Variants in ALG12 observed in about 807,000 individuals in gnomAD.
ALG12 encodes ALG12 alpha-1,6-mannosyltransferase.
A neutral mutation model predicts 46.0 loss-of-function variants in ALG12; 36 were observed. The ratio of observed to expected loss-of-function variants is 0.78; its 90% CI spans 0.60 to 1.03. The LOEUF is 1.03. ALG12 is among the 50% of genes least tolerant of loss of function. The probability of loss-of-function intolerance (pLI) is 0.00; values close to 1 mark genes in which losing one functional copy is unlikely to be tolerated. For synonymous variants in ALG12, 326 were observed against 291.6 expected (o/e 1.12, Z -1.20); for missense variants, 599 against 633.5 (o/e 0.95, Z 0.58).
At chr22:49,909,792 A>G in intron 5 of ALG12, 102 bp downstream of exon 5, 1 of 1,492,252 alleles carries the variant, frequency 6.7e-7, no homozygotes, top group Non-Finnish European at 9.3e-7. Flanking sequence ...ATTTAGGGTC[A>G]TTTTATTTCA....
chr22:49,881,915 T>C, the ALG12 span, among the ~76,000 whole-genome samples: 1 of 152,250 alleles, frequency 6.6e-6, no homozygotes. Context: ...AACCTGCATT[T>C]ATTTCTGGTG....
rs1428557735 is a variant in ALG12, at chr22:49,908,017, G to A, written c.769-73C>T. ...GTGGGCTAGGTGGCAGGGTCAAGGT[G>A]GAGAAGACGCTTGAAGACAGTTGTG... On this transcript the variant is annotated intron_variant, in intron 6 of 9. Coordinates refer to ENST00000330817, the MANE Select transcript of ALG12 (RefSeq NM_024105.4). 2.7e-6 allele frequency: 4 copies of A among 1,467,044 alleles called. No homozygotes were observed. In the African/African-American group the frequency reaches 4.2e-5, roughly 15 times the overall value. The allele number at this position is 1,467,044 out of a possible 1,614,324, so 90.9% of individuals were successfully genotyped here.
the ALG12 span, chr22:49,884,897 C>T: frequency 1.0e-5 from 16 of 1,602,092 alleles, 1 homozygote; most frequent in Admixed American, 1.0e-4. Flanking sequence ...GAAGACGTGG[C>T]GGCCTTCTCA....
the ALG12 span, among the ~76,000 whole-genome samples, chr22:49,862,693 CTTTTTTTTT>C: frequency 3.8e-3 from 222 of 59,032 alleles, 5 homozygotes; most frequent in East Asian, 0.11. Context: ...TAAGTTTTTC[CTTTTTTTTT>C]TTTTTTTTTT....
In ALG12 at chr22:49,903,982, C is replaced by T. The variant is rs764664066; in HGVS notation, c.1323G>A (p.Leu441=). 1 of 1,614,222 alleles carries T rather than the reference C, an allele frequency of 6.2e-7. No homozygotes were observed. Among genetic ancestry groups the T allele is most frequent in the South Asian group, 1.1e-5 (1 of 91,086 alleles). ...HILMEAAPGL[L]ALYRDTHRVL... is the part of the protein sequence containing the mutation. ...CCCGGTGTGTGTCCCTGTAGAGGGC[C>T]AGGAGCCCAGGGGCCGCCTCCATGA... Residue 441 remains leucine (L), a synonymous_variant, in exon 10 of 10, where the codon CTG becomes CTA. Coordinates refer to ENST00000330817, the MANE Select transcript of ALG12 (RefSeq NM_024105.4).
rs1175963390 is a variant in ALG12 at position 49,910,596 on chromosome 22, G to A, written c.307C>T (p.Leu103Phe). 1.2e-6 allele frequency: 2 copies of A among 1,614,118 alleles called. No homozygotes were observed. The highest frequency in any genetic ancestry group is 2.2e-5 in the East Asian group (1 of 44,890). ...AGTCCAAAAATCACGCCGAGTCCAA[G>A]CACTCCTCTAACTAAACAAAGACAG... ...FYSQLIVRGV[L>F]GLGVIFGLWT... The change falls in exon 4 of 10, where the codon CTT (leucine) becomes TTT (phenylalanine). Residue 103 changes from leucine (L) to phenylalanine (F), a missense_variant. Transcript: ENST00000330817.
chr22:49,863,826 C>T, the ALG12 span, among the ~76,000 whole-genome samples: 6 of 152,128 alleles, frequency 3.9e-5, no homozygotes, highest in Non-Finnish European at 8.8e-5. Context: ...CCTCCAGAGG[C>T]GACCAGTTAG....
chr22:49,874,471 T>G, the ALG12 span, among the ~76,000 whole-genome samples: 1 of 151,370 alleles, frequency 6.6e-6, no homozygotes, highest in Admixed American at 6.6e-5. Context: ...CTGCAACTTC[T>G]GCCTCCCAGG....
At position 49,905,302 on chromosome 22, in the gene ALG12, A is replaced by T. The variant is rs1360585788; in HGVS notation, c.993-796T>A. 6.6e-6 allele frequency among the ~76,000 whole-genome samples: 1 copy of T among 152,078 alleles called. No homozygotes were observed. Among genetic ancestry groups the T allele is most frequent in the Non-Finnish European group, 1.5e-5 (1 of 68,004 alleles). On this transcript the variant is annotated intron_variant, in intron 7 of 9. Transcript: ENST00000330817. The surrounding 1 kb of genome is among the most constrained non-coding windows in gnomAD (Gnocchi z 4.9). ...CTGGTCTAAACGCCCTGAACCCCCG[A>T]TCAAGACTCACTCTCTTCCAAACCC...
chr22:49,886,261 A>G, the ALG12 span: 1 of 1,272,012 alleles, frequency 7.9e-7, no homozygotes, highest in Non-Finnish European at 1.1e-6. This position sits in a 1 kb window ranked among gnomAD's most constrained non-coding sequence, Gnocchi z 7.7. Flanking sequence ...GCCCAAGGCG[A>G]AGGAGAAACT....
the ALG12 span, among the ~76,000 whole-genome samples, chr22:49,879,492 C>T: frequency 1.3e-4 from 20 of 151,672 alleles, no homozygotes; most frequent in South Asian, 6.2e-4. Context: ...CCACTATATC[C>T]GCTCTTACAA....
In ALG12 at chr22:49,903,695, G is replaced by T; in HGVS notation, c.*143C>A. 1 of 944,424 alleles carries T rather than the reference G, an allele frequency of 1.1e-6. No individual in the cohort carries two copies. Among genetic ancestry groups the T allele is most frequent in the Non-Finnish European group, 1.7e-6 (1 of 602,766 alleles). The allele number at this position is 944,424 out of a possible 1,614,324, so 58.5% of individuals were successfully genotyped here. A position where few individuals can be genotyped will look rare whatever the true frequency, so the allele number is the denominator to read the frequency against. On this transcript the variant is annotated 3_prime_UTR_variant, in exon 10 of 10. Coordinates refer to ENST00000330817, the MANE Select transcript of ALG12 (RefSeq NM_024105.4). Reference sequence around the variant, plus strand: ...AGGCTGTGGAGGAGGCCCTGGACCTGGTCTGGTGTCTGTCAGAGGCAGGTG... The same window carrying T: ...AGGCTGTGGAGGAGGCCCTGGACCTTGTCTGGTGTCTGTCAGAGGCAGGTG...
the ALG12 span, chr22:49,886,311 C>T: frequency 1.3e-6 from 2 of 1,570,790 alleles, no homozygotes; most frequent in Non-Finnish European, 1.7e-6. The surrounding 1 kb of genome is among the most constrained non-coding windows in gnomAD (Gnocchi z 7.7). Context: ...CTCAGCATCA[C>T]CTCATCCAGG....
At chr22:49,910,333 T>G (rs2060569051) in intron 4 of ALG12, 101 bp downstream of exon 4, 1 of 1,461,986 alleles carries the variant, frequency 6.8e-7, no homozygotes, top group Admixed American at 2.0e-5. Flanking sequence ...CAGTGGGGAA[T>G]GGCCATTACG....
At position 49,903,757 on chromosome 22, in the gene ALG12, T is replaced by C. The variant is rs764161962; in HGVS notation, c.*81A>G. 20 of 1,485,366 alleles carry C rather than the reference T, an allele frequency of 1.3e-5. No homozygotes were observed. The highest frequency in any genetic ancestry group is 1.8e-5 in the Non-Finnish European group (19 of 1,066,868). The allele number at this position is 1,485,366 out of a possible 1,614,324, so 92.0% of individuals were successfully genotyped here. On this transcript the variant is annotated 3_prime_UTR_variant, in exon 10 of 10. Coordinates refer to ENST00000330817, the MANE Select transcript of ALG12 (RefSeq NM_024105.4). ...GACTTGCTTCTCTGAATTGTCATAA[T>C]TGTGCTGGAATTGTGCCAGAAACTG...
chr22:49,865,892 G>A, the ALG12 span, among the ~76,000 whole-genome samples: 5 of 120,988 alleles, frequency 4.1e-5, no homozygotes, highest in East Asian at 1.1e-3. Flanking sequence ...TTAATTTTTT[G>A]TAGAGCTGGG....
the ALG12 span, chr22:49,887,736 C>G: frequency 5.4e-5 from 9 of 167,254 alleles, no homozygotes; most frequent in Admixed American, 5.2e-4. Flanking sequence ...CTGTTTACTA[C>G]GACAGAGACG....
At chr22:49,886,219 G>A in the ALG12 span, 13 of 850,602 alleles carry the variant, frequency 1.5e-5, no homozygotes, top group Non-Finnish European at 2.5e-5. This position sits in a 1 kb window ranked among gnomAD's most constrained non-coding sequence, Gnocchi z 7.7. Flanking sequence ...GCTGAGCCTC[G>A]CCCGGAAGAT....
chr22:49,892,653 G>C, the ALG12 span, among the ~76,000 whole-genome samples: 1 of 152,208 alleles, frequency 6.6e-6, no homozygotes, highest in African/African-American at 2.4e-5. Context: ...TTCCAGGTGA[G>C]TCCCCTGAAG....
Sources: allele counts gnomAD v4.1 joint callset (sites outside exome capture counted in the v4.1 genomes callset), GRCh38; gene constraint gnomAD v4.1.1; non-coding constraint Gnocchi (gnomAD v3.1); transcripts MANE v1.5; gene names NCBI Gene and HGNC (gene_info 2026-07-23, HGNC 2026-07-21).